Variants in ACE observed in about 807,000 individuals in gnomAD.
ACE encodes the protein angiotensin I converting enzyme, also known as angiotensin-converting enzyme.
Under a neutral mutation model 162.3 loss-of-function variants are expected in ACE, and 122 were observed. The ratio of observed to expected loss-of-function variants is 0.75; its 90% CI spans 0.65 to 0.87. The LOEUF (loss-of-function observed/expected upper bound fraction) is 0.87. ACE is among the 40% of genes least tolerant of loss of function. ACE has a pLI of 0.00. For synonymous variants in ACE, 796 were observed against 720.6 expected (o/e 1.10, Z -1.68); for missense variants, 1,799 against 1,735.1 (o/e 1.04, Z -0.65).
At chr17:63,478,236 C>T in intron 2 of ACE, 138 bp downstream of exon 2, 1 of 1,095,926 alleles carries the variant, frequency 9.1e-7, no homozygotes, top group Non-Finnish European at 1.3e-6. Context: ...CCCAGGTAAG[C>T]ACAGAATGGC....
chr17:63,493,715 T>G, intron 20 of ACE, 56 bp downstream of exon 20: 3 of 1,593,188 alleles, frequency 1.9e-6, no homozygotes, highest in Non-Finnish European at 2.6e-6. Context: ...GGTGGTGAGC[T>G]TGGGAGGTGG....
In ACE at chr17:63,488,729, G is replaced by C; in HGVS notation, c.2387G>C (p.Arg796Thr). Residue 796 changes from arginine (R) to threonine (T), a missense_variant, in exon 16 of 25, where the codon AGA becomes ACA. By Grantham distance (71) the Arg-to-Thr change is moderately conservative (BLOSUM62 -1). Coordinates refer to ENST00000290866, the MANE Select transcript of ACE (RefSeq NM_000789.4). ...GAGGGCTGGCGAGACAAGGCGGGGA[G>C]AGCCATCCTCCAGTTTTACCCGAAA... ...AWEGWRDKAG[R>T]AILQFYPKYV... 6.2e-7 allele frequency: 1 copy of C among 1,613,752 alleles called. No homozygotes were observed. The highest frequency in any genetic ancestry group is 8.5e-7 in the Non-Finnish European group (1 of 1,179,978).
In ACE at chr17:63,497,202, C is replaced by T. The variant is rs1174820268; in HGVS notation, c.3757C>T (p.Gln1253Ter). Residue 1253 changes from glutamine (Q) to a stop codon, truncating the protein, a stop_gained, in exon 25 of 25, where the codon CAG (glutamine) becomes TAG (stop). Coordinates refer to ENST00000290866, the MANE Select transcript of ACE (RefSeq NM_000789.4). LOFTEE classifies it high-confidence loss of function. ...CTTCCTGGGCCTGGACCTGGATGCG[C>T]AGCAGGCCCGCGTGGGCCAGTGGCT... Reference protein sequence around the residue: ...VSFLGLDLDAQQARVGQWLLL... With the variant: ...VSFLGLDLDA 1 of 1,601,748 alleles carries T rather than the reference C, an allele frequency of 6.2e-7. No homozygotes were observed. Among genetic ancestry groups the T allele is most frequent in the Non-Finnish European group, 8.5e-7 (1 of 1,178,196 alleles).
rs1369064199 is a variant in ACE at position 63,481,010 on chromosome 17, C to T, written c.848-81C>T. 2.0e-5 allele frequency: 28 copies of T among 1,415,432 alleles called. No individual in the cohort carries two copies. In the Admixed American group the frequency reaches 4.2e-4, roughly 21 times the overall value. The allele number at this position is 1,415,432 out of a possible 1,614,324, so 87.7% of individuals were successfully genotyped here. The stretch of plus-strand genomic sequence containing the variant: ...GGGCCCCAGGGTACAGGTGCCGGCC[C>T]CAGGGTGCCACTCAGCGATGCATGA... On this transcript the variant is annotated intron_variant, in intron 5 of 24. Transcript: ENST00000290866.
chr17:63,496,768 A>G (rs1287849427), intron 23 of ACE, 30 bp from the exon 24 acceptor site: 1 of 1,608,890 alleles, frequency 6.2e-7, no homozygotes, highest in Non-Finnish European at 8.5e-7. Context: ...TGTCCTTCTG[A>G]CTCTGCCTCC....
chr17:63,487,641 C>T (rs2147550680), intron 15 of ACE, among the ~76,000 whole-genome samples: 1 of 152,306 alleles, frequency 6.6e-6, no homozygotes, highest in East Asian at 1.9e-4. Flanking sequence ...CTTTTCTCCC[C>T]ACTGGCTGGT....
chr17:63,484,609 C>T lies in ACE; in HGVS notation c.1921+68C>T. 6.5e-7 allele frequency: 1 copy of T among 1,530,142 alleles called. No individual in the cohort carries two copies. The highest frequency in any genetic ancestry group is 8.8e-7 in the Non-Finnish European group (1 of 1,135,210). 94.8% of individuals were successfully genotyped at this position (1,530,142 alleles called of 1,614,324 possible). Reference sequence around the variant, plus strand: ...TCAACTCTGGGCTTGGCCCAGGCCCCAGGTTCCTGGTCAGCTCCTACCAGC... The same window carrying T: ...TCAACTCTGGGCTTGGCCCAGGCCCTAGGTTCCTGGTCAGCTCCTACCAGC... On this transcript the variant is annotated intron_variant, in intron 12 of 24. Coordinates refer to ENST00000290866, the MANE Select transcript of ACE (RefSeq NM_000789.4). This position sits in a 1 kb window ranked among gnomAD's most constrained non-coding sequence, Gnocchi z 4.0.
rs752477733 is a variant in ACE at position 63,483,894 on chromosome 17, G to A, written c.1632G>A (p.Leu544=). The change falls in exon 11 of 25, where the codon CTG becomes CTA. Residue 544 remains leucine, a synonymous_variant. Transcript: ENST00000290866. ...FVLQFQFHEA[L]CKEAGYEGPL... The stretch of plus-strand genomic sequence containing the variant: ...TGCAGTTCCAGTTCCATGAAGCCCT[G>A]TGCAAGGAGGCAGGCTATGAGGGCC... 1 of 1,614,140 alleles carries A rather than the reference G, an allele frequency of 6.2e-7. No individual in the cohort carries two copies. The highest frequency in any genetic ancestry group is 8.5e-7 in the Non-Finnish European group (1 of 1,180,022).
intron 13 of ACE, 38 bp downstream of exon 13, chr17:63,485,410 G>T: frequency 1.9e-6 from 3 of 1,612,994 alleles, no homozygotes; most frequent in Non-Finnish European, 2.5e-6. Flanking sequence ...CTGAGCATGT[G>T]CATACACACA....
rs1599157882 is a variant in ACE, at chr17:63,496,682, G to A, written c.3504-116G>A. Reference sequence around the variant, plus strand: ...ATTGCCATCTCCTTAGGCACCTGGAGCCCTGGGGCCCTGGGACAAGTTTCA... The same window carrying A: ...ATTGCCATCTCCTTAGGCACCTGGAACCCTGGGGCCCTGGGACAAGTTTCA... On this transcript the variant is annotated intron_variant, in intron 23 of 24. Coordinates refer to ENST00000290866, the MANE Select transcript of ACE (RefSeq NM_000789.4). 5 of 1,572,290 alleles carry A rather than the reference G, an allele frequency of 3.2e-6. No individual in the cohort carries two copies. In the East Asian group the frequency reaches 9.0e-5, roughly 28 times the overall value.
Position 63,491,150 on chromosome 17 carries a change from G to A in ACE, c.2740-59G>A, listed in dbSNP as rs3730041. On this transcript the variant is annotated intron_variant, in intron 18 of 24. Transcript: ENST00000290866. The surrounding 1 kb of genome is among the most constrained non-coding windows in gnomAD (Gnocchi z 4.4). ...TTTAGCCCTCCCCCGGGATCCCCAC[G>A]GCAGCACGCAGTCTGTCCCCGGAAC... is the stretch of plus-strand genomic sequence containing the variant. The A allele has an allele frequency of 1.2e-5, 20 of 1,611,396 alleles. No homozygotes were observed. The highest frequency in any genetic ancestry group is 7.7e-5 in the South Asian group (7 of 90,986).
chr17:63,478,345 C>G, intron 2 of ACE: 1 of 558,436 alleles, frequency 1.8e-6, no homozygotes, highest in South Asian at 2.1e-5. Context: ...ACACTTCTCC[C>G]TAGGCTGGTT....
rs373029581 is a variant in ACE, at chr17:63,481,547, C to T, written c.946-19C>T. 5.6e-6 allele frequency: 9 copies of T among 1,613,172 alleles called. No individual in the cohort carries two copies. In the African/African-American group the frequency reaches 9.3e-5, roughly 17 times the overall value. The stretch of plus-strand genomic sequence containing the variant: ...CCAGAGTGGGCTCCCCCTGACCTGG[C>T]TCCACACCCCTCCTCCAGGGCTGGA... On this transcript the variant is annotated intron_variant, in intron 6 of 24. Coordinates refer to ENST00000290866, the MANE Select transcript of ACE (RefSeq NM_000789.4).
chr17:63,484,824 T>C lies in ACE; in HGVS notation c.1921+283T>C, dbSNP rs766503941. On this transcript the variant is annotated intron_variant, in intron 12 of 24. Transcript: ENST00000290866. The surrounding 1 kb of genome is among the most constrained non-coding windows in gnomAD (Gnocchi z 4.0). ...GGTCACACTGCGGGCTCCGCTCTTATTGGCCAGGGGACGGTAGCTGCAGGA... is the reference window on the plus strand; with the variant it reads ...GGTCACACTGCGGGCTCCGCTCTTACTGGCCAGGGGACGGTAGCTGCAGGA... 8.5e-6 allele frequency: 13 copies of C among 1,530,008 alleles called. No homozygotes were observed. Among genetic ancestry groups the C allele is most frequent in the Non-Finnish European group, 1.1e-5 (12 of 1,137,310 alleles). The allele number at this position is 1,530,008 out of a possible 1,614,324, so 94.8% of individuals were successfully genotyped here. A position where few individuals can be genotyped will look rare whatever the true frequency, so the allele number is the denominator to read the frequency against.
At chr17:63,489,169 C>T (rs367909532) in intron 17 of ACE, 37 bp downstream of exon 17, 63 of 1,597,194 alleles carry the variant, frequency 3.9e-5, no homozygotes, top group Non-Finnish European at 4.8e-5. Flanking sequence ...AGGGTAAAGA[C>T]GGACCACAGT....
intron 15 of ACE, chr17:63,488,430 T>C: frequency 2.4e-6 from 1 of 418,200 alleles, no homozygotes; most frequent in Non-Finnish European, 4.3e-6. Context: ...GCTGAGGCCC[T>C]GCAGGTGTCT....
In ACE at chr17:63,490,939, C is replaced by G; in HGVS notation, c.2642-15C>G. The stretch of plus-strand genomic sequence containing the variant: ...TGTCTTTCCTCTCTCTGCCGTCCCC[C>G]ACACTCGCCTCCAGGGAACATGTGG... On this transcript the variant is annotated splice_polypyrimidine_tract_variant and intron_variant, in intron 17 of 24. Coordinates refer to ENST00000290866, the MANE Select transcript of ACE (RefSeq NM_000789.4). 1 of 1,613,584 alleles carries G rather than the reference C, an allele frequency of 6.2e-7. No homozygotes were observed. Among genetic ancestry groups the G allele is most frequent in the Non-Finnish European group, 8.5e-7 (1 of 1,179,478 alleles).
chr17:63,490,944 T>G lies in ACE; in HGVS notation c.2642-10T>G. On this transcript the variant is annotated splice_polypyrimidine_tract_variant and intron_variant, in intron 17 of 24. Coordinates refer to ENST00000290866, the MANE Select transcript of ACE (RefSeq NM_000789.4). ...TTCCTCTCTCTGCCGTCCCCCACACTCGCCTCCAGGGAACATGTGGGCGCA... is the reference window on the plus strand; with the variant it reads ...TTCCTCTCTCTGCCGTCCCCCACACGCGCCTCCAGGGAACATGTGGGCGCA... 1.2e-6 allele frequency: 2 copies of G among 1,613,716 alleles called. No individual in the cohort carries two copies. The highest frequency in any genetic ancestry group is 1.7e-6 in the Non-Finnish European group (2 of 1,179,600).
intron 21 of ACE, 53 bp downstream of exon 21, chr17:63,494,119 C>T (rs2030575668): frequency 1.2e-6 from 2 of 1,609,380 alleles, no homozygotes; most frequent in South Asian, 1.1e-5. Context: ...CGAGTGTCTG[C>T]ATGTGCCTGG....
Sources: gnomAD v4.1 joint callset for allele counts (sites outside exome capture counted in the v4.1 genomes callset) on GRCh38, gnomAD v4.1.1 for gene constraint, Gnocchi (gnomAD v3.1) non-coding constraint, MANE v1.5 for transcripts, NCBI Gene and HGNC (gene_info 2026-07-23, HGNC 2026-07-21) for gene names.